The following NSMCE2 variants were observed in gnomAD, a reference collection of about 807,000 sequenced individuals.
NSMCE2 encodes the protein E3 SUMO-protein ligase NSE2.
A neutral mutation model predicts 23.8 loss-of-function variants in NSMCE2; 24 were observed. That is an observed-to-expected ratio of 1.01 (90% CI 0.73 to 1.42). The LOEUF is 1.42. Ranked by LOEUF, NSMCE2 falls within the 40% of genes most tolerant of loss-of-function variation. NSMCE2 has a pLI of 0.00. For synonymous variants in NSMCE2, 92 were observed against 94.1 expected (o/e 0.98, Z 0.13); for missense variants, 284 against 296.5 (o/e 0.96, Z 0.31).
In NSMCE2 at chr8:125,334,772, C is replaced by CTTT. The variant is rs34213706; in HGVS notation, c.419-22421_419-22419dup. 5.7e-4 allele frequency among the ~76,000 whole-genome samples: 32 copies of CTTT among 55,880 alleles called. 2 individuals are homozygous for CTTT. The highest frequency in any genetic ancestry group is 9.4e-4 in the Admixed American group (3 of 3,192). 36.7% of individuals were successfully genotyped at this position (55,880 alleles called of 152,430 possible). ...CAAAAAAGATTATGAAGTATCTTTT[C>CTTT]TTTTTTTTTTTTTTTTTTTTTTTTT... On this transcript the variant is annotated intron_variant, in intron 5 of 7. Transcript: ENST00000287437.
rs529566268 is a variant in NSMCE2 at position 125,266,497 on chromosome 8, G to C, written c.418+84241G>C. Among the ~76,000 whole-genome samples, 5 of 152,300 alleles carry C rather than the reference G, an allele frequency of 3.3e-5. No homozygotes were observed. The South Asian group carries it at 1.0e-3, about 32-fold the overall frequency. ...ACACTGTCTGTATTCACCTTCTGGT[G>C]GGGGAAGTGCATCAGACTATATGAA... is the stretch of plus-strand genomic sequence containing the variant. On this transcript the variant is annotated intron_variant, in intron 5 of 7. Transcript: ENST00000287437.
At chr8:125,193,132 T>C (rs2130833374) in intron 5 of NSMCE2, among the ~76,000 whole-genome samples, 1 of 152,310 alleles carries the variant, frequency 6.6e-6, no homozygotes, top group South Asian at 2.1e-4. Flanking sequence ...AATAAATGCT[T>C]ATGCTATTAA....
intron 5 of NSMCE2, among the ~76,000 whole-genome samples, chr8:125,192,619 A>C (rs1007270292): frequency 6.6e-6 from 1 of 152,226 alleles, no homozygotes; most frequent in Non-Finnish European, 1.5e-5. Flanking sequence ...ACAGTCATAC[A>C]ATTTTACACA....
intron 4 of NSMCE2, among the ~76,000 whole-genome samples, chr8:125,181,462 A>G (rs1438142155): frequency 1.3e-5 from 2 of 152,238 alleles, no homozygotes; most frequent in African/African-American, 4.8e-5. Context: ...TAGGAAGTAG[A>G]TGAATGAGTG....
intron 5 of NSMCE2, among the ~76,000 whole-genome samples, chr8:125,286,323 T>A (rs903128967): frequency 3.4e-4 from 51 of 151,850 alleles, no homozygotes; most frequent in Admixed American, 1.0e-3. Flanking sequence ...TTATTTTTTT[T>A]TTTTTTTGAG....
At chr8:125,212,268 GT>G (rs1395702046) in intron 5 of NSMCE2, among the ~76,000 whole-genome samples, 3 of 152,148 alleles carry the variant, frequency 2.0e-5, no homozygotes, top group Non-Finnish European at 4.4e-5. Flanking sequence ...TTTATGACCT[GT>G]TTTCTGGTAG....
At chr8:125,246,679 A>G (rs1400791884) in intron 5 of NSMCE2, among the ~76,000 whole-genome samples, 1 of 152,224 alleles carries the variant, frequency 6.6e-6, no homozygotes, top group Non-Finnish European at 1.5e-5. Context: ...AAGCATGGAA[A>G]TGTCTTGTGA....
At chr8:125,366,483 T>C (rs1813799537) in intron 7 of NSMCE2, among the ~76,000 whole-genome samples, 2 of 151,802 alleles carry the variant, frequency 1.3e-5, no homozygotes, top group Non-Finnish European at 1.5e-5. Context: ...GAGCTTGCAG[T>C]GAGCCAGGAT....
intron 3 of NSMCE2, among the ~76,000 whole-genome samples, chr8:125,115,962 C>T (rs1053209600): frequency 8.5e-5 from 13 of 152,190 alleles, no homozygotes; most frequent in African/African-American, 2.9e-4. Flanking sequence ...AAATTAGGCT[C>T]ATTGAATTGA....
chr8:125,197,722 T>G (rs143863447), intron 5 of NSMCE2, among the ~76,000 whole-genome samples: 21,289 of 152,200 alleles, frequency 0.14, 2,450 homozygotes, highest in African/African-American at 0.32. Context: ...TTCCAATTCT[T>G]TGAAGAAAGT....
chr8:125,201,433 A>C (rs1371495851), intron 5 of NSMCE2, among the ~76,000 whole-genome samples: 1 of 152,188 alleles, frequency 6.6e-6, no homozygotes, highest in Non-Finnish European at 1.5e-5. Flanking sequence ...CAGGTCCCTC[A>C]GCTGCAGGTC....
chr8:125,316,633 T>C (rs142880923), intron 5 of NSMCE2, among the ~76,000 whole-genome samples: 916 of 56,672 alleles, frequency 0.016, 46 homozygotes, highest in Admixed American at 0.053. Context: ...TTCTTTCCTT[T>C]CTTTATTTCC....
Position 125,173,289 on chromosome 8 carries a change from A to G in NSMCE2, c.265-8814A>G, listed in dbSNP as rs147338055. ...AACCAGCAGAACCAGAGTCGCAGTG[A>G]TGGGGGAATTGCAAGTTGGTCATTA... On this transcript the variant is annotated intron_variant, in intron 4 of 7. Transcript: ENST00000287437. Among the ~76,000 whole-genome samples the G allele has an allele frequency of 3.4e-3, 512 of 152,280 alleles. 3 individuals carry two copies. The highest frequency in any genetic ancestry group is 5.2e-3 in the Non-Finnish European group (351 of 68,024).
chr8:125,131,059 T>C (rs771367236), intron 3 of NSMCE2, among the ~76,000 whole-genome samples: 2 of 152,226 alleles, frequency 1.3e-5, no homozygotes, highest in African/African-American at 4.8e-5. Flanking sequence ...CCCTTTGTTC[T>C]CCACTTCCTT....
intron 3 of NSMCE2, among the ~76,000 whole-genome samples, chr8:125,141,499 A>G (rs192390821): frequency 8.4e-4 from 128 of 152,320 alleles, no homozygotes; most frequent in Middle Eastern, 3.4e-3. Flanking sequence ...GTCTGTGAGC[A>G]TCTGTTTCCT....
intron 1 of NSMCE2, among the ~76,000 whole-genome samples, chr8:125,097,556 T>C (rs1817997178): frequency 6.6e-6 from 1 of 152,224 alleles, no homozygotes; most frequent in South Asian, 2.1e-4. Context: ...GTACCTTTTA[T>C]GGTCCAGCTT....
At chr8:125,161,588 A>G (rs760770726) in intron 4 of NSMCE2, among the ~76,000 whole-genome samples, 21 of 152,186 alleles carry the variant, frequency 1.4e-4, no homozygotes, top group African/African-American at 3.1e-4. Context: ...ATCTGAGGCC[A>G]GGAGTTCGAG....
intron 4 of NSMCE2, among the ~76,000 whole-genome samples, chr8:125,167,022 C>T (rs1167864489): frequency 1.3e-5 from 2 of 152,146 alleles, no homozygotes; most frequent in Non-Finnish European, 2.9e-5. Context: ...AAGAGCACCA[C>T]GTATGTGGAT....
chr8:125,150,850 A>C (rs1488578213), intron 3 of NSMCE2, among the ~76,000 whole-genome samples: 2 of 152,182 alleles, frequency 1.3e-5, no homozygotes, highest in South Asian at 4.1e-4. Flanking sequence ...GGAGAGGTGT[A>C]GTGATTGATT....
Sources: allele counts gnomAD v4.1 joint callset (sites outside exome capture counted in the v4.1 genomes callset), GRCh38; gene constraint gnomAD v4.1.1; transcripts MANE v1.5; gene names NCBI Gene and HGNC (gene_info 2026-07-23, HGNC 2026-07-21).